The following PLXNA4 variants were observed in gnomAD, a reference collection of about 807,000 sequenced individuals.
PLXNA4 encodes the protein plexin A4.
Under a neutral mutation model 191.8 loss-of-function variants are expected in PLXNA4, and 44 were observed. That is an observed-to-expected ratio of 0.23 (90% CI 0.18 to 0.29). PLXNA4 has a LOEUF of 0.29. Ranked by LOEUF, PLXNA4 falls within the 10% of genes least tolerant of loss-of-function variation. The pLI is 1.00. For missense variants in PLXNA4, 1,800 were observed against 2,488.8 expected, an observed-to-expected ratio of 0.72 and a Z score of 5.89; for synonymous variants, 1,082 against 1,009.5, an observed-to-expected ratio of 1.07 and a Z score of -1.36.
chr7:132,581,605 C>T (rs1398284964), upstream of PLXNA4, among the ~76,000 whole-genome samples: 2 of 152,208 alleles, frequency 1.3e-5, no homozygotes, highest in Non-Finnish European at 2.9e-5. Context: ...TCTGTGGTTG[C>T]CCTCTGCAAG....
At chr7:132,529,504 T>A (rs567580195) in intron 1 of PLXNA4, among the ~76,000 whole-genome samples, 5 of 152,262 alleles carry the variant, frequency 3.3e-5, no homozygotes, top group South Asian at 4.2e-4. Context: ...ACTGGGAAAG[T>A]TTTTTTAAAA....
intron 2 of PLXNA4, among the ~76,000 whole-genome samples, chr7:132,645,111 G>A (rs1250783351): frequency 1.3e-5 from 2 of 152,172 alleles, no homozygotes; most frequent in Non-Finnish European, 2.9e-5. Context: ...TGTTACTAAC[G>A]ATGCCCATTA....
At chr7:132,459,582 G>A (rs975266280) in intron 3 of PLXNA4, among the ~76,000 whole-genome samples, 2 of 152,048 alleles carry the variant, frequency 1.3e-5, no homozygotes, top group Non-Finnish European at 2.9e-5. Context: ...TATTTCCCTC[G>A]GGCATTTTCA....
chr7:132,629,553 A>C (rs1002612892), intron 2 of PLXNA4, among the ~76,000 whole-genome samples: 1 of 152,242 alleles, frequency 6.6e-6, no homozygotes, highest in African/African-American at 2.4e-5. Context: ...AAACTGATGC[A>C]TACTGAGGAT....
chr7:132,372,894 C>T (rs1804503010), intron 3 of PLXNA4, among the ~76,000 whole-genome samples: 2 of 152,146 alleles, frequency 1.3e-5, no homozygotes, highest in African/African-American at 4.8e-5. Flanking sequence ...CAGCAGAGGG[C>T]CTGGCGTGGA....
At chr7:132,283,850 T>C (rs1350626650) in intron 4 of PLXNA4, among the ~76,000 whole-genome samples, 1 of 152,236 alleles carries the variant, frequency 6.6e-6, no homozygotes, top group Admixed American at 6.5e-5. Flanking sequence ...GTATATTAAA[T>C]GCACTATCAA....
rs113958313 is a variant in PLXNA4, at chr7:132,181,550, T to C, written c.3323A>G (p.Gln1108Arg). 6.2e-7 allele frequency: 1 copy of C among 1,614,164 alleles called. No homozygotes were observed. The highest frequency in any genetic ancestry group is 1.3e-5 in the African/African-American group (1 of 75,044). The change falls in exon 18 of 32, where the codon CAG becomes CGG. Residue 1108 changes from glutamine to arginine, a missense_variant. Transcript: ENST00000321063. The part of the protein sequence containing the change: ...APALALGPDH[Q>R]SDLTERPEEF... The stretch of plus-strand genomic sequence containing the variant: ...CTCGGGCCTCTCGGTCAGGTCTGAC[T>C]GGTGGTCAGGACCCAGAGCGAGGGC...
chr7:132,450,638 G>A lies in PLXNA4; in HGVS notation c.1371+38654C>T, dbSNP rs144748230. 2.4e-4 allele frequency among the ~76,000 whole-genome samples: 36 copies of A among 152,314 alleles called. No individual in the cohort carries two copies. The East Asian group carries it at 7.0e-3, about 29-fold the overall frequency. The stretch of plus-strand genomic sequence containing the variant: ...GGCCAGGACCCTGCCCTCAACTGAA[G>A]TCAACGGTGGCATCACTCCAGAATT... On this transcript the variant is annotated intron_variant, in intron 3 of 31. Coordinates refer to ENST00000321063, the MANE Select transcript of PLXNA4 (RefSeq NM_020911.2).
chr7:132,389,485 T>A (rs961389933), intron 3 of PLXNA4, among the ~76,000 whole-genome samples: 1 of 152,230 alleles, frequency 6.6e-6, no homozygotes, highest in African/African-American at 2.4e-5. Flanking sequence ...TTTCTGCATA[T>A]GGCTAGCCAG....
upstream of PLXNA4, among the ~76,000 whole-genome samples, chr7:132,581,602 T>C (rs1802403984): frequency 6.6e-6 from 1 of 152,182 alleles, no homozygotes; most frequent in Non-Finnish European, 1.5e-5. Flanking sequence ...AGCTCTGTGG[T>C]TGCCCTCTGC....
At chr7:132,189,216 G>T (rs1252359635) in intron 14 of PLXNA4, among the ~76,000 whole-genome samples, 2 of 151,932 alleles carry the variant, frequency 1.3e-5, no homozygotes, top group Non-Finnish European at 2.9e-5. Flanking sequence ...CCCTGCAGGT[G>T]TTGCTGGGGC....
chr7:132,184,928 C>T (rs914049582), intron 16 of PLXNA4, among the ~76,000 whole-genome samples: 6 of 152,134 alleles, frequency 3.9e-5, no homozygotes, highest in African/African-American at 1.4e-4. Context: ...CCTTCTTCCA[C>T]ACCCCTCAGC....
intron 30 of PLXNA4, among the ~76,000 whole-genome samples, chr7:132,139,590 T>C (rs1009090099): frequency 1.3e-5 from 2 of 152,198 alleles, no homozygotes; most frequent in Admixed American, 6.5e-5. Context: ...AAGCCCATCA[T>C]TCAGCAAACT....
intron 2 of PLXNA4, among the ~76,000 whole-genome samples, chr7:132,625,070 C>T (rs77833393): frequency 0.019 from 2,870 of 152,300 alleles, 65 homozygotes; most frequent in Middle Eastern, 0.065. Flanking sequence ...TTGGCCTTCA[C>T]GATTTTTTCT....
rs563921173 is a variant in PLXNA4 at position 132,164,311 on chromosome 7, T to A, written c.4354-23A>T. 4 of 1,612,348 alleles carry A rather than the reference T, an allele frequency of 2.5e-6. No homozygotes were observed. The East Asian group carries it at 8.9e-5, about 36-fold the overall frequency. ...CTCCTGGAGGTGAGAAGAACGTCAT[T>A]AGGAGGAGCTCTTGGAACACTGGAG... On this transcript the variant is annotated intron_variant, in intron 23 of 31. Coordinates refer to ENST00000321063, the MANE Select transcript of PLXNA4 (RefSeq NM_020911.2).
chr7:132,463,950 A>C (rs986846923), intron 3 of PLXNA4, among the ~76,000 whole-genome samples: 1 of 152,226 alleles, frequency 6.6e-6, no homozygotes, highest in African/African-American at 2.4e-5. Context: ...TCAGGGTCCC[A>C]AGTACTTCTC....
At chr7:132,357,438 C>T (rs555170387) in intron 3 of PLXNA4, among the ~76,000 whole-genome samples, 4 of 152,318 alleles carry the variant, frequency 2.6e-5, no homozygotes, top group African/African-American at 9.6e-5. Flanking sequence ...CTCTTGTCCA[C>T]ATTCTCAGCC....
chr7:132,349,051 A>C (rs1291953107), intron 3 of PLXNA4, among the ~76,000 whole-genome samples: 1 of 152,126 alleles, frequency 6.6e-6, no homozygotes, highest in Non-Finnish European at 1.5e-5. Context: ...TCTGTAAGAC[A>C]CTGGTAGCCA....
At chr7:132,386,865 C>T (rs189995261) in intron 3 of PLXNA4, among the ~76,000 whole-genome samples, 13 of 152,328 alleles carry the variant, frequency 8.5e-5, no homozygotes, top group Non-Finnish European at 1.9e-4. Flanking sequence ...AAGCACATCA[C>T]ATGTCTTATA....
Sources: gnomAD v4.1 joint callset for allele counts (sites outside exome capture counted in the v4.1 genomes callset) on GRCh38, gnomAD v4.1.1 for gene constraint, MANE v1.5 for transcripts, NCBI Gene and HGNC (gene_info 2026-07-23, HGNC 2026-07-21) for gene names.